Variants in ERC2 observed in about 807,000 individuals in gnomAD.
The protein encoded by ERC2 is ELKS/RAB6-interacting/CAST family member 2.
In ERC2, 42 loss-of-function variants were observed where a neutral mutation model predicts 114.8. That is an observed-to-expected ratio of 0.37 (90% CI 0.29 to 0.47). ERC2 has a LOEUF of 0.47. Ranked by LOEUF, ERC2 falls within the 20% of genes least tolerant of loss-of-function variation. The pLI is 0.99. For missense variants in ERC2, 939 were observed against 1,150.7 expected, an observed-to-expected ratio of 0.82 and a Z score of 2.66; for synonymous variants, 454 against 425.5, an observed-to-expected ratio of 1.07 and a Z score of -0.82.
intron 14 of ERC2, among the ~76,000 whole-genome samples, chr3:55,833,093 G>A (rs1467051189): frequency 6.7e-6 from 1 of 149,472 alleles, no homozygotes; most frequent in African/African-American, 2.5e-5. Context: ...AAGCCTCCAA[G>A]AAATATGGGA....
At chr3:56,015,013 C>T (rs1418605089) in intron 8 of ERC2, among the ~76,000 whole-genome samples, 1 of 151,980 alleles carries the variant, frequency 6.6e-6, no homozygotes, top group Non-Finnish European at 1.5e-5. Context: ...TAATTTAATC[C>T]TGAAGTTATA....
intron 3 of ERC2, among the ~76,000 whole-genome samples, chr3:56,229,354 T>G (rs1204310765): frequency 6.6e-6 from 1 of 152,216 alleles, no homozygotes; most frequent in African/African-American, 2.4e-5. Context: ...CTTAGAGCTA[T>G]CATTCTTAAA....
At chr3:55,728,096 T>C (rs915576098) in intron 15 of ERC2, among the ~76,000 whole-genome samples, 1 of 152,232 alleles carries the variant, frequency 6.6e-6, no homozygotes, top group Non-Finnish European at 1.5e-5. Context: ...CTTGCCATCA[T>C]GATTTATTCA....
At chr3:55,570,556 G>A (rs552571262) in intron 17 of ERC2, among the ~76,000 whole-genome samples, 9 of 152,212 alleles carry the variant, frequency 5.9e-5, no homozygotes, top group South Asian at 2.1e-4. Context: ...TGTTCTGCAG[G>A]ACATCTCTCC....
chr3:55,992,296 GAAC>G (rs2071136196), intron 10 of ERC2, 46 bp from the exon 11 acceptor site: 2 of 1,533,974 alleles, frequency 1.3e-6, no homozygotes, highest in Admixed American at 3.5e-5. Context: ...CAACAATTTA[GAAC>G]AATAGACAGT....
chr3:55,630,336 A>AT (rs1318924436), intron 17 of ERC2, among the ~76,000 whole-genome samples: 2 of 151,962 alleles, frequency 1.3e-5, no homozygotes, highest in Non-Finnish European at 2.9e-5. Flanking sequence ...CACCAGGCTA[A>AT]TTTTGTATTT....
At chr3:56,444,045 C>T (rs2062445780) in intron 1 of ERC2, among the ~76,000 whole-genome samples, 1 of 142,702 alleles carries the variant, frequency 7.0e-6, no homozygotes, top group Non-Finnish European at 1.5e-5. Flanking sequence ...TCACTGCAAG[C>T]TCCGCCTCCC....
At chr3:56,298,465 C>T (rs191071574) in intron 2 of ERC2, among the ~76,000 whole-genome samples, 1 of 151,970 alleles carries the variant, frequency 6.6e-6, no homozygotes, top group African/African-American at 2.4e-5. Context: ...TGTTAACAAC[C>T]CATTTGTCAA....
intron 3 of ERC2, among the ~76,000 whole-genome samples, chr3:56,219,039 T>C (rs1482574148): frequency 6.6e-6 from 1 of 152,036 alleles, no homozygotes; most frequent in African/African-American, 2.4e-5. Flanking sequence ...CTAATGTAAA[T>C]GACGAGTTAA....
At chr3:55,988,571 G>A (rs1250248902) in intron 11 of ERC2, among the ~76,000 whole-genome samples, 2 of 152,152 alleles carry the variant, frequency 1.3e-5, no homozygotes, top group African/African-American at 2.4e-5. Context: ...GAGAGGAGGG[G>A]GCCAGTGTCA....
chr3:55,761,875 C>CA (rs1232333274), intron 14 of ERC2, among the ~76,000 whole-genome samples: 675 of 59,538 alleles, frequency 0.011, 6 homozygotes, highest in African/African-American at 0.016. Context: ...GACTCCGTCT[C>CA]AAAAAAAAAA....
At chr3:56,237,196 A>T (rs1025499145) in intron 3 of ERC2, among the ~76,000 whole-genome samples, 2 of 152,124 alleles carry the variant, frequency 1.3e-5, no homozygotes, top group African/African-American at 4.8e-5. Context: ...TTTATACTTC[A>T]TTAACCTAGT....
intron 1 of ERC2, among the ~76,000 whole-genome samples, chr3:56,467,292 G>C (rs899810253): frequency 1.3e-5 from 2 of 152,190 alleles, no homozygotes; most frequent in Non-Finnish European, 2.9e-5. Context: ...GGCAGGTGTG[G>C]CTGTCAATCA....
intron 3 of ERC2, among the ~76,000 whole-genome samples, chr3:56,219,477 A>G (rs1385877387): frequency 6.6e-6 from 1 of 151,984 alleles, no homozygotes; most frequent in Non-Finnish European, 1.5e-5. Flanking sequence ...AACAAAACCA[A>G]TATGTATCCT....
chr3:56,329,604 T>C (rs1386652006), intron 2 of ERC2, among the ~76,000 whole-genome samples: 1 of 152,146 alleles, frequency 6.6e-6, no homozygotes. Context: ...AGCTTTCCTG[T>C]CTCTCCTAAA....
At chr3:56,043,823 A>G (rs2075324049) in intron 7 of ERC2, among the ~76,000 whole-genome samples, 1 of 152,148 alleles carries the variant, frequency 6.6e-6, no homozygotes, top group Admixed American at 6.6e-5. Flanking sequence ...AAATTCAAAC[A>G]CATCATCTAA....
intron 1 of ERC2, 139 bp from the exon 2 acceptor site, chr3:56,435,286 A>G (rs938215452): frequency 7.5e-6 from 2 of 265,744 alleles, no homozygotes; most frequent in African/African-American, 4.5e-5. Flanking sequence ...AAAGAGCCAC[A>G]CCCATAATGT....
chr3:55,890,358 T>A (rs1374426738), intron 13 of ERC2, among the ~76,000 whole-genome samples: 1 of 152,218 alleles, frequency 6.6e-6, no homozygotes. Flanking sequence ...ATGGTCTGTG[T>A]CCTCATGATT....
At chr3:55,611,053 A>G (rs888819913) in intron 17 of ERC2, 2 of 152,260 alleles carry the variant, frequency 1.3e-5, no homozygotes, top group Admixed American at 1.3e-4. Flanking sequence ...ACTCTGCAGA[A>G]AAAGCCAAAA....
Sources: gnomAD v4.1 joint callset for allele counts (sites outside exome capture counted in the v4.1 genomes callset) on GRCh38, gnomAD v4.1.1 for gene constraint, MANE v1.5 for transcripts, NCBI Gene and HGNC (gene_info 2026-07-23, HGNC 2026-07-21) for gene names.